ATP6V0D1: variants seen among roughly 807,000 people sequenced by gnomAD.
ATP6V0D1 encodes V-type proton ATPase subunit d 1.
Under a neutral mutation model 39.0 loss-of-function variants are expected in ATP6V0D1, and 13 were observed. The observed-to-expected ratio is 0.33, with a 90% CI of 0.22 to 0.53. The LOEUF (loss-of-function observed/expected upper bound fraction) is 0.53, where lower values mean the gene tolerates loss of function less well. Ranked by LOEUF, ATP6V0D1 falls within the 20% of genes least tolerant of loss-of-function variation. The probability of loss-of-function intolerance (pLI) is 0.94; values close to 1 mark genes in which losing one functional copy is unlikely to be tolerated. For missense variants in ATP6V0D1, 272 were observed against 470.9 expected (o/e 0.58, Z 3.91); for synonymous variants, 191 against 191.2 (o/e 1.00, Z 0.01).
At chr16:67,478,797 G>C (rs1489026142) in intron 1 of ATP6V0D1, among the ~76,000 whole-genome samples, 1 of 152,046 alleles carries the variant, frequency 6.6e-6, no homozygotes, top group African/African-American at 2.4e-5. Flanking sequence ...CATGTTCATG[G>C]GGGATGATAG....
intron 1 of ATP6V0D1, among the ~76,000 whole-genome samples, chr16:67,458,524 A>T (rs922728548): frequency 2.0e-5 from 3 of 152,144 alleles, no homozygotes; most frequent in African/African-American, 7.2e-5. Flanking sequence ...AGGCATGAGC[A>T]AGCAGTGTTC....
Position 67,481,136 on chromosome 16 carries a change from A to G in ATP6V0D1, c.-50T>C. On this transcript the variant is annotated 5_prime_UTR_variant, in exon 1 of 8. Transcript: ENST00000290949. ...GGAGAACCAGGACCGGCCGGCACGA[A>G]TCGCGACTCCCCAGGTCAGCTGACG... 2.5e-6 allele frequency: 4 copies of G among 1,609,856 alleles called. No homozygotes were observed. Among genetic ancestry groups the G allele is most frequent in the Non-Finnish European group, 3.4e-6 (4 of 1,177,296 alleles).
chr16:67,473,275 T>A (rs1251419249), intron 1 of ATP6V0D1, among the ~76,000 whole-genome samples: 4 of 152,122 alleles, frequency 2.6e-5, no homozygotes, highest in Non-Finnish European at 5.9e-5. Context: ...TGCCATACAA[T>A]TTGCCAACTT....
intron 1 of ATP6V0D1, chr16:67,455,396 C>A (rs73600821): frequency 9.1e-4 from 138 of 152,272 alleles, no homozygotes; most frequent in African/African-American, 3.2e-3. Flanking sequence ...TGGAACACAG[C>A]ATGTTGGAAT....
chr16:67,469,883 T>C (rs779277146), intron 1 of ATP6V0D1, among the ~76,000 whole-genome samples: 22 of 152,248 alleles, frequency 1.4e-4, no homozygotes, highest in Non-Finnish European at 2.6e-4. Flanking sequence ...CCCCAGAGGT[T>C]GTCACTCATG....
intron 1 of ATP6V0D1, chr16:67,459,021 TCCATGTAGC>T: frequency 2.0e-6 from 2 of 977,420 alleles, no homozygotes; most frequent in Non-Finnish European, 2.4e-6. Flanking sequence ...CACCCAGCAG[TCCATGTAGC>T]CCTGAAGCTG....
intron 1 of ATP6V0D1, among the ~76,000 whole-genome samples, chr16:67,471,641 C>T (rs1227041803): frequency 6.6e-6 from 1 of 152,046 alleles, no homozygotes; most frequent in African/African-American, 2.4e-5. Context: ...CATCCCCTCC[C>T]TCAGAGCAAG....
chr16:67,477,937 G>C (rs1460597129), intron 1 of ATP6V0D1, among the ~76,000 whole-genome samples: 1 of 152,126 alleles, frequency 6.6e-6, no homozygotes, highest in Non-Finnish European at 1.5e-5. Flanking sequence ...CCAAAGTGCT[G>C]GGATTACAGG....
intron 2 of ATP6V0D1, among the ~76,000 whole-genome samples, chr16:67,448,957 A>G (rs762465539): frequency 1.3e-5 from 2 of 152,236 alleles, no homozygotes; most frequent in Non-Finnish European, 2.9e-5. Context: ...TGTAGATAGC[A>G]AAGACAGGAA....
intron 4 of ATP6V0D1, chr16:67,440,782 C>G (rs1054368861): frequency 1.3e-5 from 2 of 152,304 alleles, no homozygotes; most frequent in Admixed American, 1.3e-4. Context: ...CCTCTGGGAT[C>G]ACGGGAAACA....
At chr16:67,446,963 G>A (rs1380973485) in intron 2 of ATP6V0D1, among the ~76,000 whole-genome samples, 2 of 152,086 alleles carry the variant, frequency 1.3e-5, no homozygotes, top group East Asian at 1.9e-4. Flanking sequence ...GGAGCTCCAC[G>A]TCCCCATGGC....
chr16:67,477,128 A>G (rs2041421948), intron 1 of ATP6V0D1, among the ~76,000 whole-genome samples: 1 of 151,656 alleles, frequency 6.6e-6, no homozygotes, highest in African/African-American at 2.4e-5. Context: ...CTCTAGATCT[A>G]CTACTAATTT....
chr16:67,451,283 G>A (rs1427339335), intron 2 of ATP6V0D1, among the ~76,000 whole-genome samples: 5 of 152,156 alleles, frequency 3.3e-5, no homozygotes, highest in East Asian at 1.9e-4. Flanking sequence ...TGAGTCGGGC[G>A]GCCAAGAGAG....
In ATP6V0D1 at chr16:67,438,481, A is replaced by G. The variant is rs531616220; in HGVS notation, c.*47T>C. 4 of 1,603,358 alleles carry G rather than the reference A, an allele frequency of 2.5e-6. No individual in the cohort carries two copies. Among genetic ancestry groups the G allele is most frequent in the East Asian group, 2.2e-5 (1 of 44,542 alleles). On this transcript the variant is annotated 3_prime_UTR_variant, in exon 8 of 8. Coordinates refer to ENST00000290949, the MANE Select transcript of ATP6V0D1 (RefSeq NM_004691.5). ...CACACGCACACACACGCGCACACAC[A>G]CACACACACACACAAAGAGTGCAAT...
At chr16:67,439,708 C>T in intron 4 of ATP6V0D1, 1 of 310,034 alleles carries the variant, frequency 3.2e-6, no homozygotes, top group Non-Finnish European at 6.1e-6. Flanking sequence ...CTTTCCAAAC[C>T]TCCCCTTCCT....
intron 1 of ATP6V0D1, chr16:67,457,725 C>A: frequency 9.2e-7 from 1 of 1,089,224 alleles, no homozygotes; most frequent in Non-Finnish European, 1.2e-6. Context: ...TGCAGGCCCC[C>A]CACTCCTGGG....
chr16:67,478,840 G>A (rs2041438917), intron 1 of ATP6V0D1, among the ~76,000 whole-genome samples: 1 of 152,116 alleles, frequency 6.6e-6, no homozygotes, highest in African/African-American at 2.4e-5. Flanking sequence ...AGAACCCTGT[G>A]CCCCCAGAAG....
chr16:67,457,937 A>C (rs2041254582), intron 1 of ATP6V0D1, among the ~76,000 whole-genome samples: 1 of 152,292 alleles, frequency 6.6e-6, no homozygotes, highest in South Asian at 2.1e-4. Flanking sequence ...CCTTACCAGG[A>C]AACTTATTTT....
chr16:67,457,125 C>T (rs1489963632), intron 1 of ATP6V0D1: 1 of 155,298 alleles, frequency 6.4e-6, no homozygotes, highest in African/African-American at 2.4e-5. Flanking sequence ...GTCCCCTCAT[C>T]CCAACATGAA....
Sources: allele counts gnomAD v4.1 joint callset (sites outside exome capture counted in the v4.1 genomes callset), GRCh38; gene constraint gnomAD v4.1.1; transcripts MANE v1.5; gene names NCBI Gene and HGNC (gene_info 2026-07-23, HGNC 2026-07-21).